The following CSDE1 variants were observed in gnomAD, a reference collection of about 807,000 sequenced individuals.
CSDE1 encodes the protein cold shock domain-containing protein E1.
A neutral mutation model predicts 89.3 loss-of-function variants in CSDE1; 17 were observed. The ratio of observed to expected loss-of-function variants is 0.19; its 90% confidence interval spans 0.13 to 0.29. The LOEUF is 0.29. Ranked by LOEUF, CSDE1 falls within the 10% of genes least tolerant of loss-of-function variation. The pLI, the probability that CSDE1 is intolerant of heterozygous loss-of-function variation, is 1.00. For synonymous variants in CSDE1, 322 were observed against 332.8 expected, an observed-to-expected ratio of 0.97 and a Z score of 0.35; for missense variants, 672 against 984.2, an observed-to-expected ratio of 0.68 and a Z score of 4.24.
intron 16 of CSDE1, among the ~76,000 whole-genome samples, chr1:114,723,664 C>G (rs1055036139): frequency 2.6e-5 from 4 of 152,184 alleles, no homozygotes; most frequent in Non-Finnish European, 4.4e-5. Flanking sequence ...ATGTATCAGT[C>G]ATGTGCTCAC....
chr1:114,724,118 T>C (rs542275575), intron 15 of CSDE1, 116 bp from the exon 16 acceptor site: 4 of 1,155,614 alleles, frequency 3.5e-6, no homozygotes, highest in East Asian at 2.6e-5. Context: ...CTGGCTGCTA[T>C]TGAAATGGGG....
intron 2 of CSDE1, 38 bp downstream of exon 2, chr1:114,749,783 T>C (rs1661211535): frequency 6.6e-6 from 1 of 152,562 alleles, no homozygotes; most frequent in South Asian, 2.1e-4. Flanking sequence ...AAATCTAGAA[T>C]TATGGAACTG....
At chr1:114,719,187 T>C (rs1426851666) in intron 18 of CSDE1, among the ~76,000 whole-genome samples, 1 of 152,110 alleles carries the variant, frequency 6.6e-6, no homozygotes, top group Non-Finnish European at 1.5e-5. Context: ...CGCATGCTTG[T>C]AGTCCCAGCT....
intron 1 of CSDE1, chr1:114,756,780 A>T (rs940221083): frequency 6.6e-6 from 1 of 152,216 alleles, no homozygotes; most frequent in Non-Finnish European, 1.5e-5. Context: ...AACTTGCCCA[A>T]CAACGTTCAG....
chr1:114,734,027 G>T lies in CSDE1; in HGVS notation c.673C>A (p.Pro225Thr). ...EFKGDLETLQPGDDVEFTIKD... is the reference protein window; with the variant it reads ...EFKGDLETLQTGDDVEFTIKD... ...ATTGTGAATTCCACATCATCGCCAG[G>T]CTGTAAGGTTTCTAAGTCACCCTTA... is the stretch of plus-strand genomic sequence containing the variant. The change falls in exon 8 of 20, where the codon CCT (proline) becomes ACT (threonine). Residue 225 changes from proline (P) to threonine (T), a missense_variant. Around this residue, in one of 8 missense-constraint regions of CSDE1, gnomAD observed 169 missense variants for 262.9 expected, o/e 0.64. Transcript: ENST00000358528. The T allele has an allele frequency of 6.2e-7, 1 of 1,613,314 alleles. No individual in the cohort carries two copies.
At chr1:114,757,624 G>A (rs1661685065) in intron 1 of CSDE1, among the ~76,000 whole-genome samples, 1 of 152,042 alleles carries the variant, frequency 6.6e-6, no homozygotes, top group Admixed American at 6.6e-5. Context: ...CATCTTGGCT[G>A]CTGTCGGAGC....
intron 16 of CSDE1, among the ~76,000 whole-genome samples, chr1:114,721,174 CTTTT>C (rs925611952): frequency 6.6e-6 from 1 of 151,546 alleles, no homozygotes; most frequent in Non-Finnish European, 1.5e-5. Context: ...ACCCCACCTC[CTTTT>C]TTTTTGTTCG....
intron 14 of CSDE1, 37 bp downstream of exon 14, chr1:114,726,174 T>C (rs1486449804): frequency 3.2e-6 from 5 of 1,554,228 alleles, no homozygotes; most frequent in African/African-American, 1.4e-5. Context: ...GAATGGATGG[T>C]AAGTTAGCTG....
At position 114,736,791 on chromosome 1, in the gene CSDE1, T is replaced by A; in HGVS notation, c.467A>T (p.Asp156Val). The change falls in exon 6 of 20, where the codon GAT becomes GTT. Residue 156 changes from aspartate (D) to valine (V), a missense_variant. Asp to Val is a radical substitution (Grantham distance 152). Around this residue, in one of 8 missense-constraint regions of CSDE1, gnomAD observed 124 missense variants for 138.7 expected, o/e 0.89. Transcript: ENST00000358528. ...GTTATCAATTACAAAGTTTATTTTA[T>A]CTCCAGTTTCCAGCTGAACGTTCCC... ...VEGNVQLETG[D>V]KINFVIDNNK... 6.2e-7 allele frequency: 1 copy of A among 1,612,830 alleles called. No individual in the cohort carries two copies. The highest frequency in any genetic ancestry group is 8.5e-7 in the Non-Finnish European group (1 of 1,179,376).
intron 6 of CSDE1, among the ~76,000 whole-genome samples, chr1:114,735,243 GTACTGTTAGTCTAAATGTTT>G (rs1221010427): frequency 6.6e-6 from 1 of 152,050 alleles, no homozygotes; most frequent in Non-Finnish European, 1.5e-5. Context: ...AGACATAATG[GTACTGTTAGTCTAAATGTTT>G]TAAGAAAAGA....
intron 17 of CSDE1, among the ~76,000 whole-genome samples, chr1:114,720,002 A>C (rs1358870164): frequency 6.6e-6 from 1 of 152,222 alleles, no homozygotes; most frequent in Non-Finnish European, 1.5e-5. Flanking sequence ...GAATTAAGCA[A>C]ACTCATCAGG....
intron 19 of CSDE1, 24 bp downstream of exon 19, chr1:114,718,586 TCCC>T: frequency 6.2e-7 from 1 of 1,603,058 alleles, no homozygotes; most frequent in Non-Finnish European, 8.5e-7. Context: ...TCAGTTGGCC[TCCC>T]CCAAGCCTTG....
intron 1 of CSDE1, among the ~76,000 whole-genome samples, chr1:114,756,087 G>T (rs1368634335): frequency 6.6e-6 from 1 of 152,184 alleles, no homozygotes; most frequent in Non-Finnish European, 1.5e-5. Context: ...AAGCCAGACT[G>T]CACGTCAGCT....
chr1:114,750,826 A>G (rs1186230262), intron 1 of CSDE1, among the ~76,000 whole-genome samples: 2 of 152,272 alleles, frequency 1.3e-5, no homozygotes, highest in Non-Finnish European at 2.9e-5. Flanking sequence ...GAAACAGCAC[A>G]TAAGTCAAGC....
chr1:114,732,974 G>T (rs1189954777), intron 9 of CSDE1, among the ~76,000 whole-genome samples, 158 bp from the exon 10 acceptor site: 1 of 152,166 alleles, frequency 6.6e-6, no homozygotes, highest in East Asian at 1.9e-4. Flanking sequence ...AAAGCTTCAT[G>T]GTCTATGGTC....
rs765907391 is a variant in CSDE1, at chr1:114,720,662, C to G, written c.1929G>C (p.Gly643=). 7 of 1,614,040 alleles carry G rather than the reference C, an allele frequency of 4.3e-6. No individual in the cohort carries two copies. The highest frequency in any genetic ancestry group is 5.9e-6 in the Non-Finnish European group (7 of 1,180,044). ...PFGIVGMANK[G]DCLQKGESVK... ...CGCTCTCCCCTTTCTGCAGGCAATC[C>G]CCTTTGTTGGCCATCCCAACGATGC... The change falls in exon 17 of 20, where the codon GGG becomes GGC. Residue 643 remains glycine (G), a synonymous_variant. Transcript: ENST00000358528.
chr1:114,751,817 T>A (rs1357149267), intron 1 of CSDE1, among the ~76,000 whole-genome samples: 3 of 152,214 alleles, frequency 2.0e-5, no homozygotes, highest in African/African-American at 7.2e-5. Flanking sequence ...TACCCAATGT[T>A]GCAAGTTGTG....
chr1:114,735,500 A>G (rs902888394), intron 6 of CSDE1, among the ~76,000 whole-genome samples: 3 of 152,220 alleles, frequency 2.0e-5, no homozygotes, highest in African/African-American at 7.2e-5. Flanking sequence ...CTTATACGTC[A>G]TTTTACAGAT....
Position 114,730,596 on chromosome 1 carries a change from C to T in CSDE1, c.1103G>A (p.Arg368His), listed in dbSNP as rs773033036. ...GAAGTGGAAGAACATACGAACATCACGATCCACACACTTGATGAAACCAAA... is the reference window on the plus strand; with the variant it reads ...GAAGTGGAAGAACATACGAACATCATGATCCACACACTTGATGAAACCAAA... The part of the protein sequence containing the change: ...DGFGFIKCVD[R>H]DVRMFFHFSE... Residue 368 changes from arginine (R) to histidine (H), a missense_variant, in exon 11 of 20, where the codon CGT (arginine) becomes CAT (histidine). Around this residue, in one of 8 missense-constraint regions of CSDE1, gnomAD observed 169 missense variants for 262.9 expected, o/e 0.64. Coordinates refer to ENST00000358528, the MANE Select transcript of CSDE1 (RefSeq NM_001007553.3). The T allele has an allele frequency of 5.0e-6, 8 of 1,612,984 alleles. No homozygotes were observed. Among genetic ancestry groups the T allele is most frequent in the South Asian group, 1.1e-5 (1 of 90,952 alleles).
Sources: gnomAD v4.1 joint callset for allele counts (sites outside exome capture counted in the v4.1 genomes callset) on GRCh38, gnomAD v4.1.1 for gene constraint, gnomAD v4.1.1 regional missense constraint, MANE v1.5 for transcripts, NCBI Gene and HGNC (gene_info 2026-07-23, HGNC 2026-07-21) for gene names.